Variants in AOC2 observed in about 807,000 individuals in gnomAD.
AOC2 encodes the protein amine oxidase [copper-containing] 2.
In AOC2, 57 loss-of-function variants were observed where a neutral mutation model predicts 53.8. The ratio of observed to expected loss-of-function variants is 1.06; its 90% CI spans 0.86 to 1.32. AOC2 has a LOEUF of 1.32. AOC2 is among the 40% of genes most tolerant of loss of function. The probability of loss-of-function intolerance (pLI) is 0.00; values close to 1 mark genes in which losing one functional copy is unlikely to be tolerated. For missense variants in AOC2, 1,008 were observed against 957.2 expected (o/e 1.05, Z -0.70); for synonymous variants, 404 against 399.0 (o/e 1.01, Z -0.15).
At chr17:42,846,520 G>A (rs534912580) in intron 1 of AOC2, among the ~76,000 whole-genome samples, 1 of 152,270 alleles carries the variant, frequency 6.6e-6, no homozygotes, top group South Asian at 2.1e-4. Context: ...AGCCTCAAGT[G>A]ACACTGGGTG....
Position 42,850,142 on chromosome 17 carries a change from AAC to A in AOC2, c.2069_2070del (p.Thr690SerfsTer15). On this transcript the variant is annotated frameshift_variant, in exon 4 of 4. Coordinates refer to ENST00000253799, the MANE Select transcript of AOC2 (RefSeq NM_009590.4). LOFTEE classifies it high-confidence loss of function. ...LHIPHAEDIP[N>X]TVTLGNRVGF... Reference sequence around the variant, plus strand: ...CATTCCCCATGCCGAGGACATCCCAAACACAGTGACTCTGGGGAACAGAGTTG... The same window carrying A: ...CATTCCCCATGCCGAGGACATCCCAAACAGTGACTCTGGGGAACAGAGTTG... 4 of 1,614,142 alleles carry A rather than the reference AAC, an allele frequency of 2.5e-6. No homozygotes were observed. Among genetic ancestry groups the A allele is most frequent in the Non-Finnish European group, 3.4e-6 (4 of 1,180,032 alleles).
At chr17:42,848,554 T>C (rs1389018065) in intron 1 of AOC2, among the ~76,000 whole-genome samples, 1 of 141,822 alleles carries the variant, frequency 7.1e-6, no homozygotes, top group African/African-American at 2.8e-5. Context: ...TACATATATA[T>C]ATATATATAT....
Position 42,849,181 on chromosome 17 carries a change from C to A in AOC2, c.1684C>A (p.Arg562=). The A allele has an allele frequency of 6.2e-7, 1 of 1,614,180 alleles. No individual in the cohort carries two copies. Among genetic ancestry groups the A allele is most frequent in the South Asian group, 1.1e-5 (1 of 91,082 alleles). The part of the protein sequence containing the change: ...EHWLQRPQLT[R]QVLGKEDLTA... ...CTGGCTACAGCGCCCACAGCTGACT[C>A]GGCAGGTCCTGGGAAAGGAGGACCT... Residue 562 remains arginine (R), a synonymous_variant, in exon 2 of 4, where the codon CGG becomes AGG. Transcript: ENST00000253799.
intron 1 of AOC2, 48 bp from the exon 2 acceptor site, chr17:42,849,036 CAG>C: frequency 6.4e-7 from 1 of 1,551,510 alleles, no homozygotes; most frequent in African/African-American, 1.4e-5. Flanking sequence ...GGACCTGGCC[CAG>C]AGACCTTACC....
rs547377494 is a variant in AOC2, at chr17:42,844,971, A to G, written c.345A>G (p.Pro115=). Residue 115 remains proline, a synonymous_variant, in exon 1 of 4, where the codon CCA becomes CCG. Coordinates refer to ENST00000253799, the MANE Select transcript of AOC2 (RefSeq NM_009590.4). ...ALAHLDRGSP[P]PAREALAIVL... is the part of the protein sequence containing the mutation. ...CCCACCTGGACAGGGGGAGCCCCCC[A>G]CCTGCCCGGGAGGCACTGGCCATCG... 1.0e-4 allele frequency: 167 copies of G among 1,610,930 alleles called. 1 individual carries two copies. In the South Asian group the frequency reaches 1.8e-3, roughly 18 times the overall value.
chr17:42,849,793 C>T, intron 3 of AOC2, 63 bp downstream of exon 3: 1 of 1,608,940 alleles, frequency 6.2e-7, no homozygotes, highest in South Asian at 1.1e-5. Context: ...GCTGCCCAGC[C>T]TCTGGCCAAA....
chr17:42,848,256 T>C (rs951431719), intron 1 of AOC2, among the ~76,000 whole-genome samples: 1 of 151,504 alleles, frequency 6.6e-6, no homozygotes, highest in Non-Finnish European at 1.5e-5. Context: ...ATCCCTTTCA[T>C]AGTTAAAAGA....
intron 1 of AOC2, among the ~76,000 whole-genome samples, chr17:42,847,140 A>C (rs1335870004): frequency 3.3e-5 from 5 of 152,272 alleles, no homozygotes; most frequent in Non-Finnish European, 5.9e-5. Flanking sequence ...AGGAAGGACT[A>C]ATAGCATGAT....
Position 42,845,704 on chromosome 17 carries a change from C to G in AOC2, c.1078C>G (p.Gln360Glu), listed in dbSNP as rs1253574269. 1 of 1,614,032 alleles carries G rather than the reference C, an allele frequency of 6.2e-7. No homozygotes were observed. Among genetic ancestry groups the G allele is most frequent in the Non-Finnish European group, 8.5e-7 (1 of 1,180,044 alleles). ...GCGAATAGCCTATGAAGTCAGTGTC[C>G]AGGAGTGTGTATCTATCTATGGTGC... ...GERIAYEVSV[Q>E]ECVSIYGADS... The change falls in exon 1 of 4, where the codon CAG (glutamine) becomes GAG (glutamate). Residue 360 changes from glutamine (Q) to glutamate (E), a missense_variant. Gln to Glu is a conservative substitution (Grantham distance 29, BLOSUM62 2). Transcript: ENST00000253799.
rs748260073 is a variant in AOC2 at position 42,845,875 on chromosome 17, C to T, written c.1249C>T (p.Gln417Ter). The T allele has an allele frequency of 1.2e-6, 2 of 1,614,116 alleles. No individual in the cohort carries two copies. Among genetic ancestry groups the T allele is most frequent in the South Asian group, 1.1e-5 (1 of 91,072 alleles). The stretch of plus-strand genomic sequence containing the variant: ...TATATTAGTGGGCAAAGGGGCAGTC[C>T]AGCTGCTTCCAGGGGCTGTGTGTGT... ...IHILVGKGAV[Q>*]LLPGAVCVFE... The change falls in exon 1 of 4, where the codon CAG (glutamine) becomes TAG (stop). Residue 417 changes from glutamine (Q) to a stop codon, truncating the protein, a stop_gained. Transcript: ENST00000253799. LOFTEE classifies it high-confidence loss of function.
chr17:42,848,412 C>G (rs2055614668), intron 1 of AOC2, among the ~76,000 whole-genome samples: 1 of 151,418 alleles, frequency 6.6e-6, no homozygotes, highest in Middle Eastern at 3.2e-3. Flanking sequence ...GCTAATAGAA[C>G]TTTCTGTAGT....
In AOC2 at chr17:42,850,223, C is replaced by T. The variant is rs183891874; in HGVS notation, c.2146C>T (p.Pro716Ser). The T allele has an allele frequency of 3.0e-5, 48 of 1,614,168 alleles. 1 individual carries two copies. In the Admixed American group the frequency reaches 6.7e-4, roughly 22 times the overall value. Reference protein sequence around the residue: ...FFDEDPSIFSPGSVYFEKGQD... With the variant: ...FFDEDPSIFSSGSVYFEKGQD... ...TGATGAGGACCCCTCCATCTTCTCC[C>T]CTGGCAGTGTCTACTTTGAGAAGGG... The change falls in exon 4 of 4, where the codon CCT becomes TCT. Residue 716 changes from proline (P) to serine (S), a missense_variant. Coordinates refer to ENST00000253799, the MANE Select transcript of AOC2 (RefSeq NM_009590.4).
At position 42,845,995 on chromosome 17, in the gene AOC2, A is replaced by G; in HGVS notation, c.1369A>G (p.Arg457Gly). The G allele has an allele frequency of 6.2e-7, 1 of 1,614,162 alleles. No individual in the cohort carries two copies. The highest frequency in any genetic ancestry group is 8.5e-7 in the Non-Finnish European group (1 of 1,180,010). ...TTTGGCCAGCTCAGCCCTTGTGGTC[A>G]GGTCTGTGTCATCTGTGGGCAACTA... ...GGLASSALVV[R>G]SVSSVGNYDY... The change falls in exon 1 of 4, where the codon AGG (arginine) becomes GGG (glycine). Residue 457 changes from arginine (R) to glycine (G), a missense_variant. Physicochemically the swap from Arg to Gly is moderately radical, Grantham distance 125 (BLOSUM62 -2). Coordinates refer to ENST00000253799, the MANE Select transcript of AOC2 (RefSeq NM_009590.4).
intron 2 of AOC2, 114 bp from the exon 3 acceptor site, chr17:42,849,487 C>G (rs2055629665): frequency 6.3e-7 from 1 of 1,585,170 alleles, no homozygotes; most frequent in Non-Finnish European, 8.6e-7. Flanking sequence ...CCCTCAAACC[C>G]AAGTTAGATA....
chr17:42,850,106 AGCT>A lies in AOC2; in HGVS notation c.2030_2032del (p.Ser677_Phe678delinsIle), dbSNP rs1400795147. On this transcript the variant is annotated inframe_deletion, in exon 4 of 4. Coordinates refer to ENST00000253799, the MANE Select transcript of AOC2 (RefSeq NM_009590.4). ...GGATCTGGTGGCTTGGGTCACAGCC[AGCT>A]TCCTGCACATTCCCCATGCCGAGGA... The A allele has an allele frequency of 4.3e-6, 7 of 1,614,108 alleles. No homozygotes were observed. In the South Asian group the frequency reaches 7.7e-5, roughly 18 times the overall value.
In AOC2 at chr17:42,845,790, C is replaced by G. The variant is rs1229636060; in HGVS notation, c.1164C>G (p.Asn388Lys). ...YLDSSFGLGR[N>K]SRGLVRGVDC... Reference sequence around the variant, plus strand: ...ATAGCAGCTTTGGACTCGGCCGTAACAGCCGAGGCTTGGTGCGGGGAGTGG... The same window carrying G: ...ATAGCAGCTTTGGACTCGGCCGTAAGAGCCGAGGCTTGGTGCGGGGAGTGG... The change falls in exon 1 of 4, where the codon AAC becomes AAG. Residue 388 changes from asparagine (N) to lysine (K), a missense_variant. Physicochemically the swap from Asn to Lys is moderately conservative, Grantham distance 94. Transcript: ENST00000253799. 7 of 1,614,064 alleles carry G rather than the reference C, an allele frequency of 4.3e-6. No individual in the cohort carries two copies. The highest frequency in any genetic ancestry group is 1.1e-5 in the South Asian group (1 of 91,092).
At position 42,844,665 on chromosome 17, in the gene AOC2, C is replaced by T. The variant is rs758229627; in HGVS notation, c.39C>T (p.Ser13=). The T allele has an allele frequency of 4.3e-6, 7 of 1,614,040 alleles. No homozygotes were observed. The highest frequency in any genetic ancestry group is 5.1e-6 in the Non-Finnish European group (6 of 1,179,928). The change falls in exon 1 of 4, where the codon TCC becomes TCT. Residue 13 remains serine, a synonymous_variant. Transcript: ENST00000253799. ...TAGTCCTGGCGTTCCTGGCACTGTC[C>T]CTCATTACCATCTTTGCCCTGGCCT... is the stretch of plus-strand genomic sequence containing the variant. The part of the protein sequence containing the change: ...LKIVLAFLAL[S]LITIFALAYV...
intron 1 of AOC2, among the ~76,000 whole-genome samples, chr17:42,847,517 G>C (rs895559065): frequency 6.6e-6 from 1 of 152,242 alleles, no homozygotes; most frequent in Admixed American, 6.5e-5. Flanking sequence ...ACAAAGGTAT[G>C]AATGTGCTTG....
In AOC2 at chr17:42,850,420, T is replaced by C. The variant is rs6503720; in HGVS notation, c.*72T>C. On this transcript the variant is annotated 3_prime_UTR_variant, in exon 4 of 4. Transcript: ENST00000253799. ...CTGTTTCTACTTTCTATTCTCCGTGTTTTTATCACACCTGCTCCCCAGATT... is the reference window on the plus strand; with the variant it reads ...CTGTTTCTACTTTCTATTCTCCGTGCTTTTATCACACCTGCTCCCCAGATT... The C allele has an allele frequency of 3.5e-5, 53 of 1,494,828 alleles. No individual in the cohort carries two copies. The African/African-American group carries it at 6.8e-4, about 19-fold the overall frequency. The allele number at this position is 1,494,828 out of a possible 1,614,324, so 92.6% of individuals were successfully genotyped here. A position where few individuals can be genotyped will look rare whatever the true frequency, so the allele number is the denominator to read the frequency against.
Sources: allele counts gnomAD v4.1 joint callset (sites outside exome capture counted in the v4.1 genomes callset), GRCh38; gene constraint gnomAD v4.1.1; transcripts MANE v1.5; gene names NCBI Gene and HGNC (gene_info 2026-07-23, HGNC 2026-07-21).